IGF1R: variants seen among roughly 807,000 people sequenced by gnomAD.
The protein encoded by IGF1R is insulin like growth factor 1 receptor.
A neutral mutation model predicts 144.6 loss-of-function variants in IGF1R; 44 were observed. That is an observed-to-expected ratio of 0.30 (90% CI 0.24 to 0.39). IGF1R has a LOEUF of 0.39. IGF1R is among the 10% of genes least tolerant of loss of function. The probability of loss-of-function intolerance (pLI) is 1.00; values close to 1 mark genes in which losing one functional copy is unlikely to be tolerated. For missense variants in IGF1R, 1,355 were observed against 1,833.7 expected (o/e 0.74, Z 4.77); for synonymous variants, 795 against 722.8 (o/e 1.10, Z -1.60).
At chr15:98,757,473 A>G (rs1174449799) in intron 2 of IGF1R, among the ~76,000 whole-genome samples, 2 of 151,912 alleles carry the variant, frequency 1.3e-5, no homozygotes, top group African/African-American at 4.8e-5. Flanking sequence ...CCCTTTTATA[A>G]TTTTTAAACT....
intron 2 of IGF1R, among the ~76,000 whole-genome samples, chr15:98,767,431 G>A (rs1049299730): frequency 3.3e-5 from 5 of 152,088 alleles, no homozygotes; most frequent in African/African-American, 4.8e-5. Flanking sequence ...GTAATTATCC[G>A]GTGGGGCTTG....
intron 2 of IGF1R, among the ~76,000 whole-genome samples, chr15:98,889,524 G>A (rs962378231): frequency 6.6e-6 from 1 of 152,236 alleles, no homozygotes; most frequent in African/African-American, 2.4e-5. Context: ...ATTGGGGACA[G>A]GTGTAACTTA....
chr15:98,740,018 C>G (rs543762644), intron 2 of IGF1R, among the ~76,000 whole-genome samples: 1 of 152,334 alleles, frequency 6.6e-6, no homozygotes, highest in South Asian at 2.1e-4. Context: ...TTTCACCATT[C>G]TGTGAAGAAC....
At chr15:98,921,280 G>A (rs2015474011) in intron 10 of IGF1R, among the ~76,000 whole-genome samples, 2 of 152,284 alleles carry the variant, frequency 1.3e-5, no homozygotes, top group East Asian at 3.9e-4. Context: ...TCTAGGGGGA[G>A]CCACAAAGCC....
At chr15:98,933,446 C>T (rs1333585133) in intron 15 of IGF1R, among the ~76,000 whole-genome samples, 7 of 152,004 alleles carry the variant, frequency 4.6e-5, no homozygotes, top group Non-Finnish European at 7.4e-5. Context: ...TGGGCTCAGG[C>T]GATTCTCCTG....
chr15:98,843,262 T>C (rs1389122262), intron 2 of IGF1R, among the ~76,000 whole-genome samples: 2 of 152,244 alleles, frequency 1.3e-5, no homozygotes, highest in East Asian at 3.8e-4. Context: ...GGGAATTCAT[T>C]GGTATTAGTG....
At position 98,845,145 on chromosome 15, in the gene IGF1R, C is replaced by T. The variant is rs1034802598; in HGVS notation, c.641-46180C>T. ...GTATTCAGTAGACGGTCAGTAGCAC[C>T]GAGAGTAGGGAGAAGAGTAAATATG... On this transcript the variant is annotated intron_variant, in intron 2 of 20. Coordinates refer to ENST00000650285, the MANE Select transcript of IGF1R (RefSeq NM_000875.5). Among the ~76,000 whole-genome samples, 8 of 152,204 alleles carry T rather than the reference C, an allele frequency of 5.3e-5. No homozygotes were observed. In the East Asian group the frequency reaches 1.4e-3, roughly 26 times the overall value.
intron 5 of IGF1R, among the ~76,000 whole-genome samples, chr15:98,902,938 A>C (rs917703666): frequency 6.6e-6 from 1 of 151,926 alleles, no homozygotes; most frequent in Non-Finnish European, 1.5e-5. Context: ...TTTTACATAG[A>C]GTAGAGCTCT....
chr15:98,733,292 G>T (rs59646751), intron 2 of IGF1R, among the ~76,000 whole-genome samples: 46,420 of 151,816 alleles, frequency 0.31, 7,254 homozygotes, highest in South Asian at 0.38. Context: ...ATGGCTTATT[G>T]CAGCCTCAGC....
intron 2 of IGF1R, among the ~76,000 whole-genome samples, chr15:98,748,168 AATTG>A (rs1479933204): frequency 3.3e-5 from 5 of 152,096 alleles, no homozygotes; most frequent in Admixed American, 1.3e-4. Context: ...ATTAAGTATT[AATTG>A]ATTAATTTTT....
chr15:98,766,033 T>C (rs1399877356), intron 2 of IGF1R, among the ~76,000 whole-genome samples: 1 of 152,030 alleles, frequency 6.6e-6, no homozygotes, highest in African/African-American at 2.4e-5. Context: ...AGGAGGAAGG[T>C]GTTCTCTACA....
chr15:98,893,402 A>G (rs371518227), intron 3 of IGF1R: 2 of 152,284 alleles, frequency 1.3e-5, no homozygotes, highest in Non-Finnish European at 2.9e-5. Context: ...AAATAGGCCA[A>G]GGACTTCAAT....
chr15:98,678,666 G>T (rs58975991), intron 1 of IGF1R, among the ~76,000 whole-genome samples: 236 of 150,290 alleles, frequency 1.6e-3, no homozygotes, highest in Middle Eastern at 7.4e-3. Flanking sequence ...GTGTTTTGCC[G>T]CCACACCCGG....
intron 2 of IGF1R, among the ~76,000 whole-genome samples, chr15:98,830,766 G>C (rs1347547366): frequency 6.6e-6 from 1 of 152,144 alleles, no homozygotes; most frequent in African/African-American, 2.4e-5. Flanking sequence ...ACCACACCCA[G>C]CTAATTTTTG....
intron 2 of IGF1R, among the ~76,000 whole-genome samples, chr15:98,759,616 C>T (rs894972133): frequency 2.6e-5 from 4 of 152,180 alleles, no homozygotes; most frequent in African/African-American, 9.7e-5. Flanking sequence ...GCATGTATGT[C>T]AGAAGATTTC....
chr15:98,701,361 G>T (rs1431240963), intron 1 of IGF1R, among the ~76,000 whole-genome samples: 1 of 110,322 alleles, frequency 9.1e-6, no homozygotes, highest in Non-Finnish European at 1.7e-5. Context: ...TTTTGAGATG[G>T]AGTCTCGTTC....
chr15:98,687,700 T>G (rs1596187347), intron 1 of IGF1R, among the ~76,000 whole-genome samples: 1 of 152,002 alleles, frequency 6.6e-6, no homozygotes, highest in South Asian at 2.1e-4. Context: ...GAGGTGGTGG[T>G]GTTAGAAGCC....
chr15:98,863,140 A>G lies in IGF1R; in HGVS notation c.641-28185A>G, dbSNP rs189797618. On this transcript the variant is annotated intron_variant, in intron 2 of 20. Coordinates refer to ENST00000650285, the MANE Select transcript of IGF1R (RefSeq NM_000875.5). ...TCGCACTTTTGGAGAACATGGGGCC[A>G]GTTATTTTGTAGAATATCTTTCTGT... Among the ~76,000 whole-genome samples, 623 of 152,334 alleles carry G rather than the reference A, an allele frequency of 4.1e-3. 14 individuals are homozygous for G. Among genetic ancestry groups the G allele is most frequent in the Non-Finnish European group, 2.3e-3 (154 of 68,022 alleles).
chr15:98,748,559 A>C (rs2054926671), intron 2 of IGF1R, among the ~76,000 whole-genome samples: 1 of 152,200 alleles, frequency 6.6e-6, no homozygotes. Flanking sequence ...TGAGCGTGCA[A>C]ATCGTCATTT....
Sources: gnomAD v4.1 joint callset for allele counts (sites outside exome capture counted in the v4.1 genomes callset) on GRCh38, gnomAD v4.1.1 for gene constraint, MANE v1.5 for transcripts, NCBI Gene and HGNC (gene_info 2026-07-23, HGNC 2026-07-21) for gene names.